The following SEMA6A variants were observed in gnomAD, a reference collection of about 807,000 sequenced individuals.
SEMA6A encodes the protein semaphorin-6A.
Under a neutral mutation model 96.8 loss-of-function variants are expected in SEMA6A, and 25 were observed. The observed-to-expected ratio is 0.26, with a 90% CI of 0.19 to 0.36. The LOEUF (loss-of-function observed/expected upper bound fraction) is 0.36. Ranked by LOEUF, SEMA6A falls within the 10% of genes least tolerant of loss-of-function variation. The pLI is 1.00. For synonymous variants in SEMA6A, 612 were observed against 518.0 expected, an observed-to-expected ratio of 1.18 and a Z score of -2.46; for missense variants, 1,363 against 1,323.1, an observed-to-expected ratio of 1.03 and a Z score of -0.47.
intron 18 of SEMA6A, chr5:116,449,777 C>A (rs1754507108): frequency 1.3e-5 from 2 of 158,030 alleles, no homozygotes; most frequent in Non-Finnish European, 2.8e-5. Flanking sequence ...TAATAAAAGG[C>A]AGTCAAGGCA....
chr5:116,573,632 C>A (rs759269855), intron 1 of SEMA6A, among the ~76,000 whole-genome samples: 2 of 152,036 alleles, frequency 1.3e-5, no homozygotes, highest in Admixed American at 1.3e-4. Context: ...GAGCCCAGCC[C>A]AGACCCCACA....
At chr5:116,486,144 T>C (rs1757038474) in intron 10 of SEMA6A, among the ~76,000 whole-genome samples, 1 of 152,186 alleles carries the variant, frequency 6.6e-6, no homozygotes, top group Admixed American at 6.5e-5. Context: ...GTGGCCCAAC[T>C]TGGTGAGTGA....
In SEMA6A at chr5:116,447,540, G is replaced by C. The variant is rs748377819; in HGVS notation, c.2166C>G (p.Ile722Met). 2.4e-5 allele frequency: 38 copies of C among 1,613,966 alleles called. No homozygotes were observed. In the East Asian group the frequency reaches 8.0e-4, roughly 34 times the overall value. The change falls in exon 19 of 19, where the codon ATC (isoleucine) becomes ATG (methionine). Residue 722 changes from isoleucine to methionine, a missense_variant. Physicochemically the swap from Ile to Met is conservative, Grantham distance 10. Coordinates refer to ENST00000343348, the MANE Select transcript of SEMA6A (RefSeq NM_020796.5). ...TQSKDPKPEAILTPLMHNGKL... is the reference protein window; with the variant it reads ...TQSKDPKPEAMLTPLMHNGKL... ...TGCCGTTGTGCATGAGTGGCGTGAG[G>C]ATGGCCTCCGGCTTTGGGTCTTTGG...
intron 12 of SEMA6A, among the ~76,000 whole-genome samples, chr5:116,479,855 A>G (rs999318394): frequency 3.9e-5 from 6 of 152,170 alleles, no homozygotes; most frequent in Non-Finnish European, 5.9e-5. Flanking sequence ...GATTGGATCA[A>G]TGGGCTAATC....
chr5:116,473,230 T>C, intron 16 of SEMA6A, 137 bp from the exon 17 acceptor site: 1 of 784,022 alleles, frequency 1.3e-6, no homozygotes, highest in South Asian at 1.8e-5. Flanking sequence ...TTTTAATTTC[T>C]GCGTGTAATG....
chr5:116,453,254 C>T (rs956647775), intron 18 of SEMA6A, among the ~76,000 whole-genome samples: 8 of 152,180 alleles, frequency 5.3e-5, no homozygotes, highest in Admixed American at 3.3e-4. Flanking sequence ...TGGAATGTCC[C>T]TACTCATTTT....
chr5:116,532,887 C>T (rs975862493), intron 1 of SEMA6A, among the ~76,000 whole-genome samples: 1 of 152,138 alleles, frequency 6.6e-6, no homozygotes, highest in African/African-American at 2.4e-5. Flanking sequence ...CACACTTAGC[C>T]AATTGTTAAG....
chr5:116,562,945 G>A (rs779621128), intron 1 of SEMA6A: 21 of 580,932 alleles, frequency 3.6e-5, no homozygotes, highest in Non-Finnish European at 5.9e-5. Flanking sequence ...GGGGTGGATA[G>A]AGGACGTCCC....
At chr5:116,463,063 A>G (rs1321063197) in intron 18 of SEMA6A, among the ~76,000 whole-genome samples, 1 of 152,218 alleles carries the variant, frequency 6.6e-6, no homozygotes, top group Non-Finnish European at 1.5e-5. Context: ...AAGCAAAACA[A>G]TGTTAATTCC....
intron 1 of SEMA6A, among the ~76,000 whole-genome samples, chr5:116,540,124 C>G (rs1472276969): frequency 6.6e-6 from 1 of 152,078 alleles, no homozygotes; most frequent in Non-Finnish European, 1.5e-5. Flanking sequence ...TCTTTATATG[C>G]TCAGTCTGAT....
chr5:116,562,527 C>G, intron 1 of SEMA6A: 1 of 525,742 alleles, frequency 1.9e-6, no homozygotes, highest in South Asian at 2.0e-5. Context: ...AAGGCCCACT[C>G]TTTCCGGTGT....
At chr5:116,539,585 C>CTGTGTGTG (rs1485936228) in intron 1 of SEMA6A, among the ~76,000 whole-genome samples, 2 of 135,898 alleles carry the variant, frequency 1.5e-5, no homozygotes, top group African/African-American at 6.5e-5. Flanking sequence ...TTTAATAATT[C>CTGTGTGTG]TGTGCGTGTG....
chr5:116,448,054 C>A (rs1328270537), intron 18 of SEMA6A, among the ~76,000 whole-genome samples: 4 of 151,788 alleles, frequency 2.6e-5, no homozygotes, highest in Non-Finnish European at 5.9e-5. Flanking sequence ...GCTGTTCAGG[C>A]CGGGCACGGT....
chr5:116,541,557 G>T (rs1759964221), intron 1 of SEMA6A, among the ~76,000 whole-genome samples: 1 of 152,194 alleles, frequency 6.6e-6, no homozygotes, highest in African/African-American at 2.4e-5. Context: ...AGCAGGCCGG[G>T]TGCAGTGGCT....
intron 18 of SEMA6A, among the ~76,000 whole-genome samples, chr5:116,463,215 G>A (rs374038335): frequency 2.6e-5 from 4 of 152,040 alleles, no homozygotes; most frequent in Non-Finnish European, 5.9e-5. Flanking sequence ...AGAAGATAAC[G>A]CAGAAGACTG....
At chr5:116,504,465 T>G (rs1758044777) in intron 2 of SEMA6A, among the ~76,000 whole-genome samples, 1 of 152,268 alleles carries the variant, frequency 6.6e-6, no homozygotes, top group Non-Finnish European at 1.5e-5. Context: ...CATTACTTTT[T>G]GTTCATATTT....
At chr5:116,490,439 T>C (rs1181754066) in intron 7 of SEMA6A, among the ~76,000 whole-genome samples, 1 of 152,102 alleles carries the variant, frequency 6.6e-6, no homozygotes, top group Non-Finnish European at 1.5e-5. Flanking sequence ...CAGCCCACAT[T>C]CTCCAAGGCC....
chr5:116,450,116 C>A (rs779273330), intron 18 of SEMA6A, among the ~76,000 whole-genome samples: 2 of 152,162 alleles, frequency 1.3e-5, no homozygotes. Flanking sequence ...GGGGTTCTAC[C>A]GAACACCGTT....
intron 1 of SEMA6A, among the ~76,000 whole-genome samples, chr5:116,565,869 G>C (rs2112914542): frequency 6.6e-6 from 1 of 152,220 alleles, no homozygotes; most frequent in South Asian, 2.1e-4. Context: ...CCATTCACCA[G>C]CTCAATCAGT....
Sources: allele counts gnomAD v4.1 joint callset (sites outside exome capture counted in the v4.1 genomes callset), GRCh38; gene constraint gnomAD v4.1.1; transcripts MANE v1.5; gene names NCBI Gene and HGNC (gene_info 2026-07-23, HGNC 2026-07-21).